The following RPS9 variants were observed in gnomAD, a reference collection of about 807,000 sequenced individuals.
RPS9 encodes small ribosomal subunit protein uS4.
Under a neutral mutation model 16.9 loss-of-function variants are expected in RPS9, and 1 was observed. The observed-to-expected ratio is 0.06, with a 90% CI of 0.02 to 0.28. RPS9 has a LOEUF of 0.28. RPS9 is among the 10% of genes least tolerant of loss of function. RPS9 has a pLI of 1.00. For synonymous variants in RPS9, 106 were observed against 110.9 expected, an observed-to-expected ratio of 0.96 and a Z score of 0.28; for missense variants, 137 against 273.2, an observed-to-expected ratio of 0.50 and a Z score of 3.51.
chr19:54,201,344 A>G, intron 2 of RPS9, 63 bp downstream of exon 2: 1 of 1,612,636 alleles, frequency 6.2e-7, no homozygotes, highest in Non-Finnish European at 8.5e-7. Flanking sequence ...ACGTGGATGA[A>G]GGTGCCCATG....
At chr19:54,202,239 T>C (rs1478014425) in intron 3 of RPS9, 3 of 166,734 alleles carry the variant, frequency 1.8e-5, no homozygotes, top group South Asian at 2.0e-4. Context: ...TGCTGGAGTG[T>C]AGTTGTCGCA....
intron 4 of RPS9, chr19:54,206,991 A>G: frequency 2.3e-6 from 1 of 430,466 alleles, no homozygotes; most frequent in Non-Finnish European, 4.2e-6. Flanking sequence ...CTTGTGTGTC[A>G]ATGCTTTCGT....
intron 3 of RPS9, among the ~76,000 whole-genome samples, chr19:54,205,604 A>C (rs1246041556): frequency 6.6e-6 from 1 of 152,118 alleles, no homozygotes; most frequent in Non-Finnish European, 1.5e-5. Flanking sequence ...ACTCTTCAGC[A>C]CTGTGCTTTG....
chr19:54,203,777 C>CCT (rs1000420584), intron 3 of RPS9, among the ~76,000 whole-genome samples: 1 of 113,374 alleles, frequency 8.8e-6, no homozygotes, highest in Admixed American at 9.7e-5. Flanking sequence ...GAACTCCCCC[C>CCT]CCACCCCCCA....
At chr19:54,202,243 T>C (rs10403245) in intron 3 of RPS9, 1 of 170,352 alleles carries the variant, frequency 5.9e-6, no homozygotes, top group Non-Finnish European at 1.2e-5. Context: ...GGAGTGTAGT[T>C]GTCGCAATCT....
At chr19:54,202,775 G>T in intron 3 of RPS9, 5 of 985,446 alleles carry the variant, frequency 5.1e-6, no homozygotes, top group Non-Finnish European at 6.0e-6. Flanking sequence ...TTAGGCATGA[G>T]AGTGGTCATC....
Position 54,206,551 on chromosome 19 carries a change from A to G in RPS9, c.407+89A>G, listed in dbSNP as rs1207998129. The G allele has an allele frequency of 1.8e-5, 28 of 1,571,834 alleles. No homozygotes were observed. The Admixed American group carries it at 4.7e-4, about 26-fold the overall frequency. Reference sequence around the variant, plus strand: ...AGCCTGCTGTCCCTATCTCCTATGCAGCCCTCGGAGGTGATGGGTGTGAAC... The same window carrying G: ...AGCCTGCTGTCCCTATCTCCTATGCGGCCCTCGGAGGTGATGGGTGTGAAC... On this transcript the variant is annotated intron_variant, in intron 4 of 4. Transcript: ENST00000302907.
chr19:54,205,453 CAT>C (rs1026748344), intron 3 of RPS9, among the ~76,000 whole-genome samples: 10 of 151,518 alleles, frequency 6.6e-5, no homozygotes, highest in East Asian at 3.9e-4. Context: ...AAATGAATGA[CAT>C]GTACCTAGCT....
chr19:54,206,253 G>T (rs1189253889), intron 3 of RPS9, 23 bp from the exon 4 acceptor site: 2 of 1,607,332 alleles, frequency 1.2e-6, no homozygotes, highest in Non-Finnish European at 1.7e-6. Context: ...GGCGGAATCA[G>T]TGTTTCCTCC....
At chr19:54,200,997 T>C (rs2077022651) in intron 1 of RPS9, 109 bp downstream of exon 1, 1 of 1,440,378 alleles carries the variant, frequency 6.9e-7, no homozygotes, top group South Asian at 1.5e-5. Context: ...AGCAGGGTGG[T>C]TGAACGGGAG....
chr19:54,207,560 C>A lies in RPS9; in HGVS notation c.570C>A (p.Asp190Glu). 1 of 1,610,134 alleles carries A rather than the reference C, an allele frequency of 6.2e-7. No individual in the cohort carries two copies. Among genetic ancestry groups the A allele is most frequent in the Non-Finnish European group, 8.5e-7 (1 of 1,178,886 alleles). The change falls in exon 5 of 5, where the codon GAC becomes GAA. Residue 190 changes from aspartate (D) to glutamate (E), a missense_variant. Around this residue, in one of 3 missense-constraint regions of RPS9, gnomAD observed 19 missense variants for 18.2 expected, o/e 1.04. Transcript: ENST00000302907. ...KGQGGAGAGD[D>E]EEED Reference sequence around the variant, plus strand: ...AGGGTGGGGCTGGGGCTGGAGACGACGAGGAGGAGGATTAAGTCCACCTGT... The same window carrying A: ...AGGGTGGGGCTGGGGCTGGAGACGAAGAGGAGGAGGATTAAGTCCACCTGT...
chr19:54,202,145 C>T (rs1348319407), intron 3 of RPS9: 1 of 154,316 alleles, frequency 6.5e-6, no homozygotes, highest in Admixed American at 6.5e-5. Flanking sequence ...TCTTAGCCTC[C>T]CAAGTAGCTG....
At chr19:54,207,318 T>TGGAGAG in intron 4 of RPS9, 80 bp from the exon 5 acceptor site, 1 of 1,267,240 alleles carries the variant, frequency 7.9e-7, no homozygotes, top group Non-Finnish European at 1.1e-6. Context: ...ACGGGGTGGG[T>TGGAGAG]GGAGAGGAAA....
At chr19:54,203,331 G>C (rs1568892786) in intron 3 of RPS9, 1 of 985,096 alleles carries the variant, frequency 1.0e-6, no homozygotes, top group Non-Finnish European at 1.2e-6. Context: ...ACAGGAAGGA[G>C]GAGCTTGGAT....
intron 3 of RPS9, chr19:54,202,697 G>A: frequency 1.0e-6 from 1 of 985,428 alleles, no homozygotes; most frequent in Non-Finnish European, 1.2e-6. Context: ...CTGAGACGCT[G>A]CTTTTGCCTG....
intron 3 of RPS9, chr19:54,203,173 A>G (rs1022940036): frequency 1.2e-5 from 11 of 929,474 alleles, no homozygotes; most frequent in East Asian, 1.2e-4. Flanking sequence ...CCTAATTGCA[A>G]TGAAACTTAC....
intron 3 of RPS9, among the ~76,000 whole-genome samples, chr19:54,204,309 G>T (rs1173752333): frequency 6.6e-6 from 1 of 152,230 alleles, no homozygotes; most frequent in Non-Finnish European, 1.5e-5. Context: ...AGTTTGCAGT[G>T]AGCCGAGATC....
chr19:54,204,117 T>C (rs1318927159), intron 3 of RPS9, among the ~76,000 whole-genome samples: 1 of 152,178 alleles, frequency 6.6e-6, no homozygotes, highest in Non-Finnish European at 1.5e-5. Context: ...CAGTGGCTCA[T>C]GCCTGTAATC....
intron 1 of RPS9, 39 bp downstream of exon 1, chr19:54,200,927 T>G: frequency 7.9e-7 from 1 of 1,270,112 alleles, no homozygotes; most frequent in Non-Finnish European, 1.0e-6. Context: ...AGGGTTTGGG[T>G]TGGATGGTGG....
Sources: gnomAD v4.1 joint callset for allele counts (sites outside exome capture counted in the v4.1 genomes callset) on GRCh38, gnomAD v4.1.1 for gene constraint, gnomAD v4.1.1 regional missense constraint, MANE v1.5 for transcripts, NCBI Gene and HGNC (gene_info 2026-07-23, HGNC 2026-07-21) for gene names.